ZNF215: variants seen among roughly 807,000 people sequenced by gnomAD.
ZNF215 encodes the protein zinc finger protein 215.
ZNF215 carries 24 observed loss-of-function variants against 27.2 expected under a neutral mutation model. The observed-to-expected ratio is 0.88, with a 90% CI of 0.64 to 1.24. The LOEUF is 1.24. Among genes scored for constraint, ZNF215 ranks in the 50% most tolerant of loss-of-function variants. ZNF215 has a pLI of 0.00. For synonymous variants in ZNF215, 210 were observed against 204.0 expected, an observed-to-expected ratio of 1.03 and a Z score of -0.25; for missense variants, 675 against 605.7, an observed-to-expected ratio of 1.11 and a Z score of -1.20.
downstream of ZNF215, among the ~76,000 whole-genome samples, chr11:6,958,455 A>G (rs1019335964): frequency 2.0e-5 from 3 of 152,252 alleles, no homozygotes; most frequent in African/African-American, 4.8e-5. Flanking sequence ...TAAGTTTAAC[A>G]TAACATAGTT....
At chr11:6,938,469 T>C (rs1211627681) in intron 3 of ZNF215, among the ~76,000 whole-genome samples, 3 of 151,908 alleles carry the variant, frequency 2.0e-5, no homozygotes, top group South Asian at 2.1e-4. Flanking sequence ...CCCCAGAAAA[T>C]TGAAGACACA....
chr11:6,960,924 T>C (rs1420714793), downstream of ZNF215, among the ~76,000 whole-genome samples: 1 of 152,152 alleles, frequency 6.6e-6, no homozygotes, highest in African/African-American at 2.4e-5. Flanking sequence ...CTTCTCTCTA[T>C]GGTATGTCAG....
rs764880392 is a variant in ZNF215, at chr11:6,943,599, A to G, written c.670A>G (p.Arg224Gly). The stretch of plus-strand genomic sequence containing the variant: ...CCTTAAGTTGGAGAGTAAGAAAAAA[A>G]GATGGATAATGGAGAAAGAAATACC... ...ESLKLESKKK[R>G]WIMEKEIPRK... is the part of the protein sequence containing the mutation. The change falls in exon 6 of 7, where the codon AGA (arginine) becomes GGA (glycine). Residue 224 changes from arginine to glycine, a missense_variant. Physicochemically the swap from Arg to Gly is moderately radical, Grantham distance 125 (BLOSUM62 -2). Transcript: ENST00000278319. 1 of 1,614,024 alleles carries G rather than the reference A, an allele frequency of 6.2e-7. No homozygotes were observed. The highest frequency in any genetic ancestry group is 8.5e-7 in the Non-Finnish European group (1 of 1,179,998).
chr11:6,989,150 CAAAAA>C (rs71056776), downstream of ZNF215, among the ~76,000 whole-genome samples: 32 of 76,760 alleles, frequency 4.2e-4, no homozygotes, highest in South Asian at 2.0e-3. Flanking sequence ...AGATCCGTCT[CAAAAA>C]AAAAAAAAAA....
downstream of ZNF215, among the ~76,000 whole-genome samples, chr11:6,991,292 A>T (rs1311813728): frequency 6.6e-6 from 1 of 152,192 alleles, no homozygotes; most frequent in Non-Finnish European, 1.5e-5. Flanking sequence ...ACTTTCCCCT[A>T]GCCTCCCTGC....
At position 6,941,616 on chromosome 11, in the gene ZNF215, A is replaced by G; in HGVS notation, c.446A>G (p.Glu149Gly). 6.2e-7 allele frequency: 1 copy of G among 1,614,138 alleles called. No individual in the cohort carries two copies. The highest frequency in any genetic ancestry group is 8.5e-7 in the Non-Finnish European group (1 of 1,179,962). Residue 149 changes from glutamate to glycine, a missense_variant, in exon 4 of 7, where the codon GAG (glutamate) becomes GGG (glycine). Glu to Gly is a moderately conservative substitution (Grantham distance 98). Coordinates refer to ENST00000278319, the MANE Select transcript of ZNF215 (RefSeq NM_013250.4). ...DSALQMGSIK[E>G]KMKAGSRTGK... ...GCCCTGCAGATGGGGAGCATCAAGG[A>G]GAAAATGAAAGCTGGCTCACGAACA...
At chr11:6,932,781 T>A in intron 3 of ZNF215, 109 bp downstream of exon 3, 1 of 996,268 alleles carries the variant, frequency 1.0e-6, no homozygotes, top group Non-Finnish European at 1.4e-6. Context: ...TGAAGGACTT[T>A]ATATTACTCT....
intron 2 of ZNF215, among the ~76,000 whole-genome samples, chr11:6,928,507 A>T (rs1172340951): frequency 1.3e-5 from 2 of 152,126 alleles, no homozygotes; most frequent in African/African-American, 4.8e-5. Flanking sequence ...ATTTTAATTC[A>T]CTAAACTCTT....
chr11:6,982,867 C>T (rs1371496117), intron 5 of ZNF215, among the ~76,000 whole-genome samples: 10 of 151,924 alleles, frequency 6.6e-5, no homozygotes, highest in African/African-American at 1.2e-4. Context: ...CAAGAACAAA[C>T]ACATTCAAAA....
chr11:6,953,045 G>A (rs1448333264), intron 6 of ZNF215, among the ~76,000 whole-genome samples: 1 of 152,190 alleles, frequency 6.6e-6, no homozygotes, highest in Non-Finnish European at 1.5e-5. Flanking sequence ...TTTTGTTTAA[G>A]AATGTTGAAT....
intron 3 of ZNF215, among the ~76,000 whole-genome samples, chr11:6,940,442 C>A (rs1849596099): frequency 6.6e-6 from 1 of 152,040 alleles, no homozygotes; most frequent in Non-Finnish European, 1.5e-5. Flanking sequence ...GTAGATGAGA[C>A]CACAGGCACA....
chr11:6,943,380 C>T (rs973357834), intron 5 of ZNF215, among the ~76,000 whole-genome samples, 165 bp downstream of exon 5: 4 of 152,156 alleles, frequency 2.6e-5, no homozygotes, highest in African/African-American at 9.7e-5. Flanking sequence ...GGATGAAAGT[C>T]CTTTCTGATA....
At chr11:6,949,238 AT>A (rs1359235334) in intron 6 of ZNF215, among the ~76,000 whole-genome samples, 33 of 152,096 alleles carry the variant, frequency 2.2e-4, no homozygotes, top group Non-Finnish European at 5.9e-5. Context: ...TAGCAGCATG[AT>A]TTATAATCCT....
Position 6,956,003 on chromosome 11 carries a change from AT to A in ZNF215, c.1029del (p.Phe343LeufsTer3). ...GTGATAAGTTTAAAACTTACTTCAA[AT>A]TTAATTTAGACTCAGTAGGTAAGCA... ...KCDKFKTYFK[F>X]NLDSVGKQHS... On this transcript the variant is annotated frameshift_variant, in exon 7 of 7. Coordinates refer to ENST00000278319, the MANE Select transcript of ZNF215 (RefSeq NM_013250.4). LOFTEE classifies it low-confidence loss of function (END_TRUNC). 2 of 1,611,604 alleles carry A rather than the reference AT, an allele frequency of 1.2e-6. No individual in the cohort carries two copies. The highest frequency in any genetic ancestry group is 1.1e-5 in the South Asian group (1 of 90,262).
At chr11:6,946,336 C>A (rs1035195190) in intron 6 of ZNF215, among the ~76,000 whole-genome samples, 1 of 152,170 alleles carries the variant, frequency 6.6e-6, no homozygotes, top group African/African-American at 2.4e-5. Flanking sequence ...ACATTCTATT[C>A]TCTGCCTACT....
downstream of ZNF215, among the ~76,000 whole-genome samples, chr11:6,959,037 C>T (rs1372811443): frequency 6.6e-6 from 1 of 152,152 alleles, no homozygotes; most frequent in Non-Finnish European, 1.5e-5. Flanking sequence ...CAGTCACACT[C>T]GGGAACAATA....
downstream of ZNF215, among the ~76,000 whole-genome samples, chr11:6,986,871 T>G (rs1254192020): frequency 6.6e-6 from 1 of 151,966 alleles, no homozygotes; most frequent in African/African-American, 2.4e-5. Context: ...AAACAGATGT[T>G]GGTGAGGCAG....
At chr11:6,952,272 C>G in intron 6 of ZNF215, among the ~76,000 whole-genome samples, 1 of 152,128 alleles carries the variant, frequency 6.6e-6, no homozygotes, top group Non-Finnish European at 1.5e-5. Flanking sequence ...GAGCTGAGTT[C>G]AATTCCTGGG....
chr11:6,989,710 CAG>C (rs1851097363), downstream of ZNF215, among the ~76,000 whole-genome samples: 3 of 152,274 alleles, frequency 2.0e-5, no homozygotes, highest in South Asian at 2.1e-4. Flanking sequence ...GACCAGCTGA[CAG>C]AGGAAGTGAA....
Sources: allele counts gnomAD v4.1 joint callset (sites outside exome capture counted in the v4.1 genomes callset), GRCh38; gene constraint gnomAD v4.1.1; transcripts MANE v1.5; gene names NCBI Gene and HGNC (gene_info 2026-07-23, HGNC 2026-07-21).